Variants in LAMP2 observed in about 807,000 individuals in gnomAD.
LAMP2 encodes lysosome-associated membrane glycoprotein 2.
LAMP2 carries 4 observed loss-of-function variants against 25.6 expected under a neutral mutation model. The observed-to-expected ratio is 0.16, with a 90% CI of 0.08 to 0.36. The LOEUF is 0.36. LAMP2 is among the 10% of genes least tolerant of loss of function. LAMP2 has a pLI of 1.00. For synonymous variants in LAMP2, 108 were observed against 112.7 expected (o/e 0.96, Z 0.27); for missense variants, 272 against 301.4 (o/e 0.90, Z 0.72).
chrX:120,430,508 CTA>C lies in LAMP2; in HGVS notation c.*813_*814del. On this transcript the variant is annotated 3_prime_UTR_variant, in exon 9 of 9. Coordinates refer to ENST00000200639, the MANE Select transcript of LAMP2 (RefSeq NM_002294.3). ...GTCCTAATTAGTTCATAGAATATTTCTATCTTTCAATACTAATCAGGCATCCA... is the reference window on the plus strand; with the variant it reads ...GTCCTAATTAGTTCATAGAATATTTCTCTTTCAATACTAATCAGGCATCCA... The C allele has an allele frequency of 1.3e-6, 1 of 749,932 alleles. No homozygotes were observed. Among genetic ancestry groups the C allele is most frequent in the Non-Finnish European group, 1.6e-6 (1 of 635,077 alleles). 61.8% of individuals were successfully genotyped at this position (749,932 alleles called of 1,213,427 possible). A position where few individuals can be genotyped will look rare whatever the true frequency, so the allele number is the denominator to read the frequency against.
intron 8 of LAMP2, chrX:120,439,075 C>T: frequency 1.7e-6 from 2 of 1,200,059 alleles, no homozygotes; most frequent in Middle Eastern, 2.5e-4. Context: ...ACTAAATATA[C>T]CTTAAGTTGA....
chrX:120,446,410 G>A lies in LAMP2; in HGVS notation c.759C>T (p.Asn253=), dbSNP rs770447676. The change falls in exon 6 of 9, where the codon AAC becomes AAT. Residue 253 remains asparagine, a synonymous_variant. Coordinates refer to ENST00000200639, the MANE Select transcript of LAMP2 (RefSeq NM_002294.3). ...TGGAGTGAGTTGTATTGGGGTTGATGTTAATAACTGAAGCAACCTTCAGGA... is the reference window on the plus strand; with the variant it reads ...TGGAGTGAGTTGTATTGGGGTTGATATTAATAACTGAAGCAACCTTCAGGA... The part of the protein sequence containing the change: ...ITQDKVASVI[N]INPNTTHSTG... The A allele has an allele frequency of 1.7e-6, 2 of 1,209,709 alleles. No individual in the cohort carries two copies. The highest frequency in any genetic ancestry group is 3.5e-5 in the South Asian group (2 of 56,959).
intron 6 of LAMP2, among the ~76,000 whole-genome samples, chrX:120,444,951 A>T (rs760719283): frequency 9.8e-5 from 11 of 112,228 alleles, no homozygotes; most frequent in Non-Finnish European, 1.9e-4. Flanking sequence ...CATGATTAAA[A>T]TGTCACTATT....
intron 6 of LAMP2, 29 bp from the exon 7 acceptor site, chrX:120,442,691 A>G: frequency 9.5e-7 from 1 of 1,057,038 alleles, no homozygotes; most frequent in Non-Finnish European, 1.3e-6. Flanking sequence ...CCAGTTAATT[A>G]ACATTTCACA....
intron 1 of LAMP2, among the ~76,000 whole-genome samples, chrX:120,460,049 G>A (rs1412267703): frequency 9.0e-6 from 1 of 111,731 alleles, no homozygotes; most frequent in Non-Finnish European, 1.9e-5. Context: ...GGGAGGCTGA[G>A]GCAGACGGAT....
chrX:120,429,090 GTA>G lies in LAMP2; in HGVS notation c.*2231_*2232del, dbSNP rs1323485755. 16 of 492,849 alleles carry G rather than the reference GTA, an allele frequency of 3.2e-5. No homozygotes were observed. Among genetic ancestry groups the G allele is most frequent in the African/African-American group, 3.0e-4 (10 of 33,802 alleles). The allele number at this position is 492,849 out of a possible 1,213,427, so 40.6% of individuals were successfully genotyped here. On this transcript the variant is annotated 3_prime_UTR_variant, in exon 9 of 9. Transcript: ENST00000200639. Reference sequence around the variant, plus strand: ...TATATATATACATATATATGTGTGTGTATATATATGTGTATATATATGTATAT... The same window carrying G: ...TATATATATACATATATATGTGTGTGTATATATGTGTATATATATGTATAT...
rs1835819914 is a variant in LAMP2, at chrX:120,429,260, A to G, written c.*2063T>C. On this transcript the variant is annotated 3_prime_UTR_variant, in exon 9 of 9. Coordinates refer to ENST00000200639, the MANE Select transcript of LAMP2 (RefSeq NM_002294.3). ...AATGCGTTGCAGTCCATTCCACCGA[A>G]CCACCAGGAAAGCAACATGTGCAAT... 1.3e-6 allele frequency: 1 copy of G among 745,873 alleles called. No homozygotes were observed. The highest frequency in any genetic ancestry group is 2.6e-5 in the African/African-American group (1 of 38,690). 61.5% of individuals were successfully genotyped at this position (745,873 alleles called of 1,213,427 possible).
chrX:120,428,395 A>G lies in LAMP2; in HGVS notation c.*2928T>C. The G allele has an allele frequency of 9.4e-7, 1 of 1,065,613 alleles. No individual in the cohort carries two copies. 87.8% of individuals were successfully genotyped at this position (1,065,613 alleles called of 1,213,427 possible). ...ACTGAAGTTAGTCTGCATATCTTAA[A>G]CAATCTATTGCACAGCATGTCCTGG... On this transcript the variant is annotated 3_prime_UTR_variant, in exon 9 of 9. Coordinates refer to ENST00000200639, the MANE Select transcript of LAMP2 (RefSeq NM_002294.3).
At chrX:120,468,602 T>G (rs1353308152) in intron 1 of LAMP2, among the ~76,000 whole-genome samples, 1 of 110,601 alleles carries the variant, frequency 9.0e-6, no homozygotes, top group Admixed American at 9.7e-5. Flanking sequence ...CTGTCCTATC[T>G]GTCCCATCTG....
chrX:120,460,013 G>A (rs759366728), intron 1 of LAMP2, among the ~76,000 whole-genome samples: 1 of 112,019 alleles, frequency 8.9e-6, no homozygotes, highest in South Asian at 3.7e-4. Flanking sequence ...GGGCATGGTG[G>A]CTCACACCTA....
Position 120,429,744 on chromosome X carries a change from T to A in LAMP2, c.*1579A>T. ...GTGACTAGATTTCATTAGGGGCAAT[T>A]TTTATCAAAATGCTAGTAATAGTTT... On this transcript the variant is annotated 3_prime_UTR_variant, in exon 9 of 9. Transcript: ENST00000200639. The A allele has an allele frequency of 2.7e-6, 2 of 754,137 alleles. No individual in the cohort carries two copies. The highest frequency in any genetic ancestry group is 3.1e-6 in the Non-Finnish European group (2 of 639,239). 62.1% of individuals were successfully genotyped at this position (754,137 alleles called of 1,213,427 possible). A position where few individuals can be genotyped will look rare whatever the true frequency, so the allele number is the denominator to read the frequency against.
At position 120,432,679 on chromosome X, in the gene LAMP2, GTGCCATTCTATAAAAGAGGAAGAAT is replaced by G. The variant is rs920560905; in HGVS notation, c.1094-1242_1094-1218del. ...CACTTGACTGATTATGTAGATGCTG[GTGCCATTCTATAAAAGAGGAAGAAT>G]ATATGCATTTCAGTTTTTTGTAGTT... On this transcript the variant is annotated intron_variant, in intron 8 of 8. Transcript: ENST00000200639. Among the ~76,000 whole-genome samples, 18 of 111,805 alleles carry G rather than the reference GTGCCATTCTATAAAAGAGGAAGAAT, an allele frequency of 1.6e-4. No individual in the cohort carries two copies. The Admixed American group carries it at 1.7e-3, about 11-fold the overall frequency.
At chrX:120,435,885 G>A (rs989698770) in intron 8 of LAMP2, among the ~76,000 whole-genome samples, 6 of 111,004 alleles carry the variant, frequency 5.4e-5, no homozygotes. Context: ...AAACTGGAAG[G>A]CTCAAGTATT....
At position 120,452,713 on chromosome X, in the gene LAMP2, CTTTTT is replaced by C. The variant is rs768340777; in HGVS notation, c.397+2639_397+2643del. ...CACAGGCACACGCCACCACACCTGG[CTTTTT>C]TTTTTTTTTTTTTTTTGTAGAGACA... On this transcript the variant is annotated intron_variant, in intron 3 of 8. Transcript: ENST00000200639. 1.2e-3 allele frequency among the ~76,000 whole-genome samples: 80 copies of C among 67,664 alleles called. 1 individual carries two copies. Among genetic ancestry groups the C allele is most frequent in the African/African-American group, 4.9e-3 (74 of 15,032 alleles). The allele number at this position is 67,664 out of a possible 115,157, so 58.8% of individuals were successfully genotyped here.
rs1045629648 is a variant in LAMP2, at chrX:120,449,131, A to G, written c.398-3T>C. The G allele has an allele frequency of 4.2e-6, 5 of 1,181,975 alleles. No homozygotes were observed. The African/African-American group carries it at 7.0e-5, about 17-fold the overall frequency. On this transcript the variant is annotated splice_polypyrimidine_tract_variant and splice_region_variant and intron_variant, in intron 3 of 8. Coordinates refer to ENST00000200639, the MANE Select transcript of LAMP2 (RefSeq NM_002294.3). ...AAGTTCATCAACAGTAAGAATTCCT[A>G]TAAAACAAGATTAACAATGGCTATT... is the stretch of plus-strand genomic sequence containing the variant.
chrX:120,449,200 T>G (rs2058611125), intron 3 of LAMP2, 72 bp from the exon 4 acceptor site: 1 of 856,827 alleles, frequency 1.2e-6, no homozygotes, highest in African/African-American at 2.0e-5. Context: ...TATATTTGTA[T>G]AGGCTTTCTT....
In LAMP2 at chrX:120,449,130, T is replaced by C; in HGVS notation, c.398-2A>G. The C allele has an allele frequency of 8.4e-7, 1 of 1,188,784 alleles. No homozygotes were observed. The highest frequency in any genetic ancestry group is 1.1e-6 in the Non-Finnish European group (1 of 874,766). ...AAAGTTCATCAACAGTAAGAATTCC[T>C]ATAAAACAAGATTAACAATGGCTAT... On this transcript the variant is annotated splice_acceptor_variant, in intron 3 of 8. Coordinates refer to ENST00000200639, the MANE Select transcript of LAMP2 (RefSeq NM_002294.3). LOFTEE classifies it high-confidence loss of function.
chrX:120,468,771 A>G (rs1921643174), intron 1 of LAMP2, among the ~76,000 whole-genome samples: 1 of 110,941 alleles, frequency 9.0e-6, no homozygotes, highest in Non-Finnish European at 1.9e-5. Context: ...CAAAATCTGC[A>G]TGTACCACCC....
chrX:120,442,465 A>G, intron 7 of LAMP2, 134 bp downstream of exon 7: 1 of 579,489 alleles, frequency 1.7e-6, no homozygotes, highest in Non-Finnish European at 3.0e-6. Flanking sequence ...ATTTTAAGGT[A>G]TGATCAAGGT....
Sources: allele counts gnomAD v4.1 joint callset (sites outside exome capture counted in the v4.1 genomes callset), GRCh38; gene constraint gnomAD v4.1.1; transcripts MANE v1.5; gene names NCBI Gene and HGNC (gene_info 2026-07-23, HGNC 2026-07-21).